The following PTPRT variants were observed in gnomAD, a reference collection of about 807,000 sequenced individuals.
The protein encoded by PTPRT is receptor-type tyrosine-protein phosphatase T.
PTPRT carries 56 observed loss-of-function variants against 176.8 expected under a neutral mutation model. The ratio of observed to expected loss-of-function variants is 0.32; its 90% confidence interval spans 0.26 to 0.40. The LOEUF is 0.40. Among genes scored for constraint, PTPRT ranks in the 10% least tolerant of loss-of-function variants. The pLI is 1.00. For missense variants in PTPRT, 1,540 were observed against 1,908.2 expected, an observed-to-expected ratio of 0.81 and a Z score of 3.60; for synonymous variants, 783 against 739.0, an observed-to-expected ratio of 1.06 and a Z score of -0.96.
At chr20:42,779,731 T>C (rs952665958) in intron 4 of PTPRT, among the ~76,000 whole-genome samples, 1 of 152,202 alleles carries the variant, frequency 6.6e-6, no homozygotes, top group African/African-American at 2.4e-5. Flanking sequence ...GAAATCTCTA[T>C]GCCTACATGG....
At chr20:42,911,037 G>A (rs1351788645) in intron 1 of PTPRT, among the ~76,000 whole-genome samples, 1 of 152,062 alleles carries the variant, frequency 6.6e-6, no homozygotes, top group Non-Finnish European at 1.5e-5. Context: ...GAGCAGCATG[G>A]GGGAAACTGC....
At chr20:42,813,087 T>A (rs1273951588) in intron 2 of PTPRT, among the ~76,000 whole-genome samples, 1 of 152,168 alleles carries the variant, frequency 6.6e-6, no homozygotes, top group Admixed American at 6.5e-5. Context: ...CAATGTATAT[T>A]CTATTTTGTT....
At chr20:43,151,327 A>C (rs1045721063) in intron 1 of PTPRT, among the ~76,000 whole-genome samples, 3 of 151,800 alleles carry the variant, frequency 2.0e-5, no homozygotes, top group African/African-American at 7.3e-5. Context: ...CAAAAAAAAA[A>C]AAAAAAAAGG....
intron 2 of PTPRT, among the ~76,000 whole-genome samples, chr20:42,841,363 G>A (rs1165286821): frequency 1.3e-5 from 2 of 152,046 alleles, no homozygotes; most frequent in Non-Finnish European, 2.9e-5. Context: ...GATAATCCAT[G>A]CCCTCATTTC....
intron 9 of PTPRT, among the ~76,000 whole-genome samples, chr20:42,365,665 A>T (rs1720211935): frequency 6.6e-6 from 1 of 152,188 alleles, no homozygotes; most frequent in Non-Finnish European, 1.5e-5. Flanking sequence ...GAGACAAAAA[A>T]AAAATTAAAA....
At chr20:42,113,078 C>T (rs73131124) in intron 22 of PTPRT, among the ~76,000 whole-genome samples, 3,527 of 152,248 alleles carry the variant, frequency 0.023, 84 homozygotes, top group Middle Eastern at 0.044. Context: ...GCTCAGGAAC[C>T]GATTTTGAGC....
chr20:42,846,147 T>C (rs2145742783), intron 2 of PTPRT, among the ~76,000 whole-genome samples: 1 of 152,278 alleles, frequency 6.6e-6, no homozygotes, highest in Admixed American at 6.5e-5. Context: ...TTCTCCTACT[T>C]TGATAAGGTC....
At chr20:42,369,434 C>A (rs1399292360) in intron 9 of PTPRT, among the ~76,000 whole-genome samples, 6 of 152,216 alleles carry the variant, frequency 3.9e-5, no homozygotes, top group Admixed American at 3.9e-4. Flanking sequence ...CCTCTCTACC[C>A]TGAACCTATG....
intron 1 of PTPRT, among the ~76,000 whole-genome samples, chr20:43,125,373 GA>G (rs1453457358): frequency 6.6e-6 from 1 of 152,026 alleles, no homozygotes; most frequent in East Asian, 1.9e-4. Flanking sequence ...CTGAATGAAT[GA>G]ATACCTGTAC....
chr20:42,730,182 T>C (rs890051565), intron 6 of PTPRT, among the ~76,000 whole-genome samples: 1 of 152,226 alleles, frequency 6.6e-6, no homozygotes, highest in African/African-American at 2.4e-5. Flanking sequence ...TAGAACCTTA[T>C]TCTGGTCTGA....
chr20:42,092,476 T>G (rs1344574671), intron 27 of PTPRT, among the ~76,000 whole-genome samples: 1 of 152,138 alleles, frequency 6.6e-6, no homozygotes, highest in South Asian at 2.1e-4. Context: ...CATTAAGACT[T>G]GGAGAAAGTA....
At chr20:42,429,896 T>A (rs965938214) in intron 9 of PTPRT, among the ~76,000 whole-genome samples, 1 of 152,076 alleles carries the variant, frequency 6.6e-6, no homozygotes, top group African/African-American at 2.4e-5. Context: ...GTGGCTGTAA[T>A]GTAAAGTCTG....
chr20:42,060,508 G>A, the PTPRT span, among the ~76,000 whole-genome samples: 2 of 152,218 alleles, frequency 1.3e-5, no homozygotes, highest in East Asian at 3.9e-4. Flanking sequence ...TGGGAGGTAA[G>A]TGAATCATGG....
chr20:42,314,526 C>CAAAAAAAA (rs386393782), intron 12 of PTPRT, among the ~76,000 whole-genome samples: 5 of 102,288 alleles, frequency 4.9e-5, no homozygotes, highest in African/African-American at 1.8e-4. Flanking sequence ...GAGACTGTGT[C>CAAAAAAAA]AAAAAAAAAA....
At chr20:42,772,859 C>T (rs181977650) in intron 4 of PTPRT, among the ~76,000 whole-genome samples, 2 of 152,338 alleles carry the variant, frequency 1.3e-5, no homozygotes, top group Admixed American at 6.5e-5. Flanking sequence ...GCTTTGCATG[C>T]TCTATCTAAT....
At chr20:42,163,134 A>G (rs1394199168) in intron 16 of PTPRT, among the ~76,000 whole-genome samples, 2 of 152,158 alleles carry the variant, frequency 1.3e-5, no homozygotes, top group Admixed American at 6.5e-5. Flanking sequence ...CCACCTACCA[A>G]GGGAGGAGAG....
chr20:42,989,136 A>G (rs1219226797), intron 1 of PTPRT, among the ~76,000 whole-genome samples: 1 of 152,240 alleles, frequency 6.6e-6, no homozygotes, highest in East Asian at 1.9e-4. Context: ...TAGAAAACTT[A>G]GGTTTATCTC....
At chr20:42,543,962 G>A (rs1476572412) in intron 7 of PTPRT, among the ~76,000 whole-genome samples, 1 of 152,128 alleles carries the variant, frequency 6.6e-6, no homozygotes, top group African/African-American at 2.4e-5. Flanking sequence ...GTAAACAAAT[G>A]TGCTGTCATC....
intron 7 of PTPRT, among the ~76,000 whole-genome samples, chr20:42,672,527 T>A (rs149085981): frequency 5.3e-5 from 8 of 152,282 alleles, no homozygotes; most frequent in Non-Finnish European, 8.8e-5. Context: ...CACTCATCTC[T>A]CAGCCATCTA....
Sources: gnomAD v4.1 joint callset for allele counts (sites outside exome capture counted in the v4.1 genomes callset) on GRCh38, gnomAD v4.1.1 for gene constraint, MANE v1.5 for transcripts, NCBI Gene and HGNC (gene_info 2026-07-23, HGNC 2026-07-21) for gene names.